Variants in CCDC7 observed in about 807,000 individuals in gnomAD.
The protein encoded by CCDC7 is coiled-coil domain-containing protein 7.
Under a neutral mutation model 196.9 loss-of-function variants are expected in CCDC7, and 183 were observed. That is an observed-to-expected ratio of 0.93 (90% confidence interval 0.82 to 1.05). The LOEUF (loss-of-function observed/expected upper bound fraction) is 1.05. CCDC7 is among the 50% of genes least tolerant of loss of function. The pLI, the probability that CCDC7 is intolerant of heterozygous loss-of-function variation, is 0.00. For missense variants in CCDC7, 1,540 were observed against 1,482.2 expected, an observed-to-expected ratio of 1.04 and a Z score of -0.64; for synonymous variants, 525 against 484.6, an observed-to-expected ratio of 1.08 and a Z score of -1.10.
chr10:32,471,160 T>C, exon 6 of CCDC7: 3 of 1,612,872 alleles, frequency 1.9e-6, no homozygotes, highest in Non-Finnish European at 2.5e-6. Flanking sequence ...TGTACAAAGA[T>C]TTGAAGAACT....
intron 25 of CCDC7, among the ~76,000 whole-genome samples, chr10:32,720,294 C>G (rs1218941851): frequency 1.3e-5 from 2 of 151,604 alleles, no homozygotes; most frequent in Non-Finnish European, 3.0e-5. Flanking sequence ...ACACAGCAAA[C>G]TAACAACACA....
At chr10:32,481,555 T>C (rs1008723740) in intron 8 of CCDC7, among the ~76,000 whole-genome samples, 1 of 152,202 alleles carries the variant, frequency 6.6e-6, no homozygotes, top group African/African-American at 2.4e-5. Flanking sequence ...CATAAGTGAT[T>C]TACAGACTAC....
intron 30 of CCDC7, among the ~76,000 whole-genome samples, chr10:32,809,761 C>A (rs996800172): frequency 6.6e-6 from 1 of 152,138 alleles, no homozygotes; most frequent in African/African-American, 2.4e-5. Flanking sequence ...GAAATAGGAA[C>A]ACTTTTACAC....
intron 25 of CCDC7, among the ~76,000 whole-genome samples, chr10:32,716,971 A>T (rs1242078481): frequency 6.6e-6 from 1 of 152,180 alleles, no homozygotes; most frequent in Non-Finnish European, 1.5e-5. Flanking sequence ...ATATTAGATC[A>T]ATGAGACAGA....
chr10:32,717,746 C>T (rs1302320707), intron 25 of CCDC7, among the ~76,000 whole-genome samples: 1 of 152,068 alleles, frequency 6.6e-6, no homozygotes, highest in Admixed American at 6.6e-5. Flanking sequence ...ATACCGTAAA[C>T]ACCTTTATGA....
At chr10:32,445,002 C>G (rs529742954), upstream of CCDC7, among the ~76,000 whole-genome samples, 1 of 151,974 alleles carries the variant, frequency 6.6e-6, no homozygotes. Context: ...TACAGGCACC[C>G]GCCATCACGC....
In CCDC7 at chr10:32,653,450, G is replaced by GAGACTGT. The variant is rs750710211; in HGVS notation, c.2015-10602_2015-10596dup. Among the ~76,000 whole-genome samples the GAGACTGT allele has an allele frequency of 4.7e-4, 71 of 152,304 alleles. 1 individual carries two copies. The Middle Eastern group carries it at 0.02, about 44-fold the overall frequency. On this transcript the variant is annotated intron_variant, in intron 20 of 41. Coordinates refer to ENST00000639629, the Ensembl canonical transcript of CCDC7. ...CCACTTCGGTTTGGGGGAGGGGTGT[G>GAGACTGT]AGACTGTACTTTCTGCTCTCTTCAA...
intron 41 of CCDC7, among the ~76,000 whole-genome samples, chr10:32,866,481 A>T (rs976670751): frequency 6.6e-6 from 1 of 151,796 alleles, no homozygotes; most frequent in Non-Finnish European, 1.5e-5. Flanking sequence ...AAAAGACAAA[A>T]CAGGCTGTGA....
At chr10:32,827,149 C>G (rs1386470143) in intron 32 of CCDC7, among the ~76,000 whole-genome samples, 3 of 152,216 alleles carry the variant, frequency 2.0e-5, no homozygotes, top group Non-Finnish European at 2.9e-5. Context: ...CCCAGCCACG[C>G]CTGTCATTGC....
intron 28 of CCDC7, among the ~76,000 whole-genome samples, chr10:32,752,335 C>G (rs981863584): frequency 2.6e-5 from 4 of 152,090 alleles, no homozygotes; most frequent in Non-Finnish European, 5.9e-5. Context: ...TCTGGAAAAT[C>G]ATAGACAAAA....
At chr10:32,547,389 G>A (rs1412177614) in intron 13 of CCDC7, among the ~76,000 whole-genome samples, 1 of 151,946 alleles carries the variant, frequency 6.6e-6, no homozygotes, top group Non-Finnish European at 1.5e-5. Context: ...CTTGATCATA[G>A]GAGTGACATC....
chr10:32,848,142 C>T (rs2093389602), intron 38 of CCDC7, among the ~76,000 whole-genome samples: 1 of 152,096 alleles, frequency 6.6e-6, no homozygotes, highest in Non-Finnish European at 1.5e-5. Flanking sequence ...TTATAATTCT[C>T]TGTTTAAATA....
chr10:32,653,313 C>G (rs373211418), intron 20 of CCDC7, among the ~76,000 whole-genome samples: 2 of 152,036 alleles, frequency 1.3e-5, no homozygotes, highest in Non-Finnish European at 2.9e-5. Context: ...CCACAGAGTT[C>G]TAACCTGGTG....
intron 29 of CCDC7, among the ~76,000 whole-genome samples, chr10:32,792,570 G>A (rs1362808526): frequency 6.6e-6 from 1 of 152,168 alleles, no homozygotes. Context: ...GGAGGCTGAG[G>A]TGGGCAGATC....
chr10:32,478,901 G>T (rs923719898), intron 8 of CCDC7, among the ~76,000 whole-genome samples: 1 of 152,008 alleles, frequency 6.6e-6, no homozygotes, highest in Non-Finnish European at 1.5e-5. Flanking sequence ...GTTAAATTTT[G>T]GTAGAATTTG....
chr10:32,703,848 C>G (rs1192081084), intron 24 of CCDC7, among the ~76,000 whole-genome samples: 2 of 152,038 alleles, frequency 1.3e-5, no homozygotes, highest in East Asian at 1.9e-4. Flanking sequence ...GTTCTCGTGC[C>G]TTGGTTTTCA....
chr10:32,805,124 A>G, intron 30 of CCDC7, 26 bp downstream of exon 31: 3 of 1,493,406 alleles, frequency 2.0e-6, no homozygotes, highest in Non-Finnish European at 2.8e-6. Context: ...TAAGTCTAAT[A>G]TTTCTCATTT....
chr10:32,495,739 C>G (rs1462535788), intron 9 of CCDC7, among the ~76,000 whole-genome samples: 4 of 152,072 alleles, frequency 2.6e-5, no homozygotes, highest in African/African-American at 4.8e-5. Context: ...CTGTTCTGTT[C>G]CATTGGTCTA....
In CCDC7 at chr10:32,876,338, T is replaced by C; in HGVS notation, c.4112-9T>C. The C allele has an allele frequency of 6.2e-7, 1 of 1,605,780 alleles. No individual in the cohort carries two copies. Among genetic ancestry groups the C allele is most frequent in the Admixed American group, 1.7e-5 (1 of 59,048 alleles). On this transcript the variant is annotated splice_polypyrimidine_tract_variant and intron_variant, in intron 41 of 41. Coordinates refer to ENST00000639629, the Ensembl canonical transcript of CCDC7. ...TTTTTTTCAATTAACACATAACTTT[T>C]CTTTAAAGTGTTACATGCTGCTGCC...
Sources: allele counts gnomAD v4.1 joint callset (sites outside exome capture counted in the v4.1 genomes callset), GRCh38; gene constraint gnomAD v4.1.1; transcripts MANE v1.5; gene names NCBI Gene and HGNC (gene_info 2026-07-23, HGNC 2026-07-21).